Variants in RBMS3 observed in about 807,000 individuals in gnomAD.
RBMS3 encodes the protein RNA-binding motif, single-stranded-interacting protein 3.
A neutral mutation model predicts 66.8 loss-of-function variants in RBMS3; 27 were observed. The observed-to-expected ratio is 0.40, with a 90% CI of 0.30 to 0.56. RBMS3 has a LOEUF of 0.56. Among genes scored for constraint, RBMS3 ranks in the 20% least tolerant of loss-of-function variants. RBMS3 has a pLI of 0.40. For synonymous variants in RBMS3, 188 were observed against 183.0 expected, an observed-to-expected ratio of 1.03 and a Z score of -0.22; for missense variants, 513 against 549.5, an observed-to-expected ratio of 0.93 and a Z score of 0.66.
chr3:29,787,380 C>T (rs745325848), intron 6 of RBMS3, among the ~76,000 whole-genome samples: 20 of 152,142 alleles, frequency 1.3e-4, no homozygotes, highest in Non-Finnish European at 2.5e-4. Flanking sequence ...AATACTTGCA[C>T]ATGCCTGTTT....
intron 14 of RBMS3, among the ~76,000 whole-genome samples, chr3:30,001,003 C>T (rs1006983834): frequency 4.0e-5 from 6 of 150,882 alleles, no homozygotes; most frequent in Admixed American, 6.6e-5. Flanking sequence ...CAAACCTGCA[C>T]GTTCTGCATA....
At position 29,743,102 on chromosome 3, in the gene RBMS3, A is replaced by T. The variant is rs545366800; in HGVS notation, c.557+3225A>T. On this transcript the variant is annotated intron_variant, in intron 5 of 14. Transcript: ENST00000383767. ...AATCCCATATAATTAGCCTAATTTG[A>T]TGGGGTGAGAATATATTTTTAGCTG... is the stretch of plus-strand genomic sequence containing the variant. Among the ~76,000 whole-genome samples the T allele has an allele frequency of 2.6e-5, 4 of 152,326 alleles. No homozygotes were observed. In the East Asian group the frequency reaches 7.7e-4, roughly 29 times the overall value.
chr3:29,361,382 C>G (rs1200798249), intron 1 of RBMS3, among the ~76,000 whole-genome samples: 1 of 150,810 alleles, frequency 6.6e-6, no homozygotes, highest in South Asian at 2.1e-4. Context: ...GACCCCCACT[C>G]TCTTCTGGCT....
At chr3:29,423,532 C>G (rs2040831485) in intron 1 of RBMS3, among the ~76,000 whole-genome samples, 2 of 152,114 alleles carry the variant, frequency 1.3e-5, no homozygotes, top group Admixed American at 6.5e-5. Flanking sequence ...ATTCCTGTAA[C>G]TAGTAGCATA....
chr3:29,381,793 C>A (rs9878528), intron 1 of RBMS3, among the ~76,000 whole-genome samples: 137,876 of 152,240 alleles, frequency 0.91, 62,692 homozygotes, highest in East Asian at 1. Flanking sequence ...GGTGGAAGTG[C>A]TGAGTTCATT....
At chr3:29,609,255 G>C (rs2048413739) in intron 4 of RBMS3, among the ~76,000 whole-genome samples, 1 of 151,980 alleles carries the variant, frequency 6.6e-6, no homozygotes, top group South Asian at 2.1e-4. Flanking sequence ...ACTTAATGTA[G>C]TACTGGTCCA....
At chr3:29,938,606 G>A (rs372755757) in intron 11 of RBMS3, among the ~76,000 whole-genome samples, 5 of 152,002 alleles carry the variant, frequency 3.3e-5, no homozygotes, top group East Asian at 3.9e-4. Flanking sequence ...CTAATTCTTC[G>A]ATATGCCTTC....
intron 8 of RBMS3, among the ~76,000 whole-genome samples, chr3:29,887,709 T>C (rs1032340007): frequency 6.6e-6 from 1 of 151,680 alleles, no homozygotes; most frequent in African/African-American, 2.4e-5. Flanking sequence ...ACTCACTAAG[T>C]CTCACTAAAA....
intron 8 of RBMS3, among the ~76,000 whole-genome samples, chr3:29,892,465 C>T (rs373837346): frequency 6.6e-6 from 1 of 151,426 alleles, no homozygotes. Flanking sequence ...GGTAGCTCCC[C>T]CCTCTCCTCC....
intron 1 of RBMS3, among the ~76,000 whole-genome samples, chr3:29,308,744 A>T (rs1026416463): frequency 2.2e-4 from 7 of 31,972 alleles, no homozygotes; most frequent in African/African-American, 5.9e-4. Context: ...ATTAAAAAAA[A>T]ACAAAAAAAA....
chr3:29,870,629 G>A (rs2059468085), intron 7 of RBMS3, among the ~76,000 whole-genome samples: 1 of 152,134 alleles, frequency 6.6e-6, no homozygotes, highest in Non-Finnish European at 1.5e-5. Context: ...TTGCTTCAAA[G>A]CATGAAAAAT....
At chr3:29,364,809 A>T (rs568662506) in intron 1 of RBMS3, among the ~76,000 whole-genome samples, 33 of 152,216 alleles carry the variant, frequency 2.2e-4, no homozygotes, top group South Asian at 1.2e-3. Context: ...ATATCCTTTT[A>T]TGCCTTTTCC....
intron 6 of RBMS3, among the ~76,000 whole-genome samples, chr3:29,788,388 G>T (rs2056895895): frequency 6.6e-6 from 1 of 151,978 alleles, no homozygotes; most frequent in Non-Finnish European, 1.5e-5. Flanking sequence ...ACCACGTCCG[G>T]CTAACTTTTT....
At chr3:29,587,946 G>A (rs1170638045) in intron 4 of RBMS3, among the ~76,000 whole-genome samples, 1 of 151,880 alleles carries the variant, frequency 6.6e-6, no homozygotes, top group Admixed American at 6.6e-5. Context: ...TGATTGCAGT[G>A]GTGGTTACAA....
At chr3:29,848,588 A>G (rs1159925655) in intron 6 of RBMS3, among the ~76,000 whole-genome samples, 1 of 152,236 alleles carries the variant, frequency 6.6e-6, no homozygotes, top group Non-Finnish European at 1.5e-5. Flanking sequence ...TCAGCCAAAA[A>G]GGGCAGGGAT....
intron 3 of RBMS3, among the ~76,000 whole-genome samples, chr3:29,496,545 T>G (rs2043761512): frequency 6.6e-6 from 1 of 152,208 alleles, no homozygotes; most frequent in Non-Finnish European, 1.5e-5. Flanking sequence ...AATACCAATT[T>G]TTCTTGTCTT....
chr3:29,770,662 A>G (rs1206979964), intron 6 of RBMS3, among the ~76,000 whole-genome samples: 1 of 151,954 alleles, frequency 6.6e-6, no homozygotes, highest in East Asian at 1.9e-4. Flanking sequence ...AAAACTTACA[A>G]AATAAATAAT....
At chr3:29,708,018 T>C (rs1166626222) in intron 4 of RBMS3, among the ~76,000 whole-genome samples, 1 of 152,226 alleles carries the variant, frequency 6.6e-6, no homozygotes, top group Non-Finnish European at 1.5e-5. Flanking sequence ...TTACTGGTCG[T>C]AGGCCTGCCG....
intron 3 of RBMS3, among the ~76,000 whole-genome samples, chr3:29,510,633 C>T (rs1315240654): frequency 6.6e-6 from 1 of 151,900 alleles, no homozygotes; most frequent in Non-Finnish European, 1.5e-5. Context: ...AAACTCAAAA[C>T]CCAAAATGCT....
Sources: allele counts gnomAD v4.1 joint callset (sites outside exome capture counted in the v4.1 genomes callset), GRCh38; gene constraint gnomAD v4.1.1; transcripts MANE v1.5; gene names NCBI Gene and HGNC (gene_info 2026-07-23, HGNC 2026-07-21).